PCDHGA10: variants seen among roughly 807,000 people sequenced by gnomAD.
PCDHGA10 encodes protocadherin gamma-A10.
A neutral mutation model predicts 59.5 loss-of-function variants in PCDHGA10; 42 were observed. The observed-to-expected ratio is 0.71, with a 90% confidence interval of 0.55 to 0.91. The LOEUF (loss-of-function observed/expected upper bound fraction) is 0.91, where lower values mean the gene tolerates loss of function less well. PCDHGA10 is among the 40% of genes least tolerant of loss of function. The probability of loss-of-function intolerance (pLI) is 0.00; values close to 1 mark genes in which losing one functional copy is unlikely to be tolerated. For missense variants in PCDHGA10, 1,111 were observed against 1,198.2 expected (o/e 0.93, Z 1.07); for synonymous variants, 511 against 517.2 (o/e 0.99, Z 0.16).
intron 1 of PCDHGA10, chr5:141,418,567 T>C: frequency 6.2e-7 from 1 of 1,614,014 alleles, no homozygotes; most frequent in Non-Finnish European, 8.5e-7. Flanking sequence ...TAGATGCCAA[T>C]GACAACCCCC....
chr5:141,465,574 C>T (rs1477852984), intron 1 of PCDHGA10, among the ~76,000 whole-genome samples: 2 of 152,160 alleles, frequency 1.3e-5, no homozygotes, highest in Admixed American at 1.3e-4. Context: ...TTTCTCAAAA[C>T]ACTCTCATAA....
In PCDHGA10 at chr5:141,489,948, T is replaced by C; in HGVS notation, c.2437-4859T>C. 2 of 1,614,210 alleles carry C rather than the reference T, an allele frequency of 1.2e-6. No individual in the cohort carries two copies. Among genetic ancestry groups the C allele is most frequent in the Non-Finnish European group, 1.7e-6 (2 of 1,180,030 alleles). On this transcript the variant is annotated intron_variant, in intron 1 of 3. Coordinates refer to ENST00000398610, the MANE Select transcript of PCDHGA10 (RefSeq NM_018913.3). The surrounding 1 kb of genome is among the most constrained non-coding windows in gnomAD (Gnocchi z 4.5). ...TCTCTGTCATCGTGCTGGACATCAA[T>C]GATAATGCTCCAACCTTCCAATCCT...
In PCDHGA10 at chr5:141,418,848, G is replaced by A. The variant is rs770294020; in HGVS notation, c.2436+3237G>A. 20 of 1,613,836 alleles carry A rather than the reference G, an allele frequency of 1.2e-5. No individual in the cohort carries two copies. Among genetic ancestry groups the A allele is most frequent in the South Asian group, 6.6e-5 (6 of 91,080 alleles). ...AAAGACCGAGGATCTCTCTCAACAC[G>A]GTGTAAAGTAATTGTAGAAGTTGTA... On this transcript the variant is annotated intron_variant, in intron 1 of 3. Coordinates refer to ENST00000398610, the MANE Select transcript of PCDHGA10 (RefSeq NM_018913.3).
At chr5:141,479,312 A>G (rs1218187495) in intron 1 of PCDHGA10, 5 of 152,526 alleles carry the variant, frequency 3.3e-5, no homozygotes, top group African/African-American at 9.6e-5. Context: ...GAAAACATAA[A>G]GTAGCCAGAC....
chr5:141,453,669 G>T (rs1390396079), intron 1 of PCDHGA10, among the ~76,000 whole-genome samples: 1 of 152,034 alleles, frequency 6.6e-6, no homozygotes, highest in Non-Finnish European at 1.5e-5. Context: ...TTACACAAAA[G>T]GTAACACACT....
chr5:141,412,987 A>C lies in PCDHGA10; in HGVS notation c.-189A>C, dbSNP rs192699644. Reference sequence around the variant, plus strand: ...AGGAGAGAAAACGCAGCCAGAGCTCAATCCGGATTCTCAGGGCTTCAACTA... The same window carrying C: ...AGGAGAGAAAACGCAGCCAGAGCTCCATCCGGATTCTCAGGGCTTCAACTA... On this transcript the variant is annotated 5_prime_UTR_variant, in exon 1 of 4. Transcript: ENST00000398610. The C allele has an allele frequency of 5.3e-6, 3 of 564,534 alleles. No homozygotes were observed. In the African/African-American group the frequency reaches 5.7e-5, roughly 11 times the overall value. The allele number at this position is 564,534 out of a possible 1,614,324, so 35.0% of individuals were successfully genotyped here.
chr5:141,490,454 C>T lies in PCDHGA10; in HGVS notation c.2437-4353C>T. The T allele has an allele frequency of 3.1e-6, 5 of 1,614,176 alleles. No homozygotes were observed. The highest frequency in any genetic ancestry group is 4.2e-6 in the Non-Finnish European group (5 of 1,180,020). On this transcript the variant is annotated intron_variant, in intron 1 of 3. Transcript: ENST00000398610. The surrounding 1 kb of genome is among the most constrained non-coding windows in gnomAD (Gnocchi z 5.4). The stretch of plus-strand genomic sequence containing the variant: ...ATTAAGCCTTCTGAGAACCACTACT[C>T]GCTGCTAACCAGCCAGCCTTTGGAC...
Position 141,431,388 on chromosome 5 carries a change from T to G in PCDHGA10, c.2436+15777T>G. 1 of 1,613,920 alleles carries G rather than the reference T, an allele frequency of 6.2e-7. No individual in the cohort carries two copies. The highest frequency in any genetic ancestry group is 8.5e-7 in the Non-Finnish European group (1 of 1,180,038). ...CGCGAAGAAAAGGCTGCTCACCACC[T>G]GGTCCTTACGGCCTCCGACGGGGGC... On this transcript the variant is annotated intron_variant, in intron 1 of 3. Transcript: ENST00000398610. The surrounding 1 kb of genome is among the most constrained non-coding windows in gnomAD (Gnocchi z 4.8).
chr5:141,477,168 A>C lies in PCDHGA10; in HGVS notation c.2437-17639A>C, dbSNP rs763187246. 1 of 1,614,210 alleles carries C rather than the reference A, an allele frequency of 6.2e-7. No homozygotes were observed. The highest frequency in any genetic ancestry group is 8.5e-7 in the Non-Finnish European group (1 of 1,180,040). On this transcript the variant is annotated intron_variant, in intron 1 of 3. Transcript: ENST00000398610. This position sits in a 1 kb window ranked among gnomAD's most constrained non-coding sequence, Gnocchi z 4.9. ...GTGGATGTGAATGACAACGCCCCGG[A>C]GATCACAGTCACCTCCGTGTACAGC...
intron 1 of PCDHGA10, among the ~76,000 whole-genome samples, chr5:141,448,430 T>C (rs1468604001): frequency 6.6e-6 from 1 of 152,186 alleles, no homozygotes; most frequent in African/African-American, 2.4e-5. Flanking sequence ...TATGTATATA[T>C]TGAGAAGTCT....
At chr5:141,428,552 T>TC in intron 1 of PCDHGA10, 2 of 244,422 alleles carry the variant, frequency 8.2e-6, no homozygotes, top group African/African-American at 2.2e-5. Context: ...CCAGAAACAG[T>TC]CCCCCCACAA....
chr5:141,414,647 T>C lies in PCDHGA10; in HGVS notation c.1472T>C (p.Ile491Thr), dbSNP rs1369045439. 3 of 1,613,926 alleles carry C rather than the reference T, an allele frequency of 1.9e-6. No homozygotes were observed. The highest frequency in any genetic ancestry group is 2.2e-5 in the South Asian group (2 of 91,078). Residue 491 changes from isoleucine to threonine, a missense_variant, in exon 1 of 4, where the codon ATT (isoleucine) becomes ACT (threonine). Physicochemically the swap from Ile to Thr is moderately conservative, Grantham distance 89. Coordinates refer to ENST00000398610, the MANE Select transcript of PCDHGA10 (RefSeq NM_018913.3). The stretch of plus-strand genomic sequence containing the variant: ...CCGGACAGCAAAGAGAATGCCCAGA[T>C]TATTTACTCCCTGGCTGAAGACACC... The part of the protein sequence containing the change: ...LDPDSKENAQ[I>T]IYSLAEDTIQ...
At chr5:141,478,708 A>G (rs1394463788) in intron 1 of PCDHGA10, 31 of 1,548,072 alleles carry the variant, frequency 2.0e-5, no homozygotes, top group Non-Finnish European at 2.5e-5. Context: ...TGCCTTTGTG[A>G]GATGGTGGCC....
intron 1 of PCDHGA10, chr5:141,441,889 GT>G: frequency 2.9e-6 from 1 of 346,022 alleles, no homozygotes; most frequent in South Asian, 2.6e-5. Flanking sequence ...GGTCACCAAG[GT>G]GGTGGCTGTA....
At chr5:141,426,052 G>T (rs2096912121) in intron 1 of PCDHGA10, among the ~76,000 whole-genome samples, 1 of 152,162 alleles carries the variant, frequency 6.6e-6, no homozygotes, top group South Asian at 2.1e-4. Flanking sequence ...TGGCCAATGT[G>T]CTGCAAGAAC....
chr5:141,483,445 C>T (rs1332037230), intron 1 of PCDHGA10, among the ~76,000 whole-genome samples: 1 of 152,106 alleles, frequency 6.6e-6, no homozygotes, highest in Admixed American at 6.5e-5. Context: ...ACAATAAAAT[C>T]ATCAGGACTT....
At position 141,473,164 on chromosome 5, in the gene PCDHGA10, G is replaced by A. The variant is rs190029663; in HGVS notation, c.2437-21643G>A. Among the ~76,000 whole-genome samples the A allele has an allele frequency of 1.6e-3, 241 of 152,250 alleles. 5 individuals carry two copies. The highest frequency in any genetic ancestry group is 2.1e-4 in the Non-Finnish European group (14 of 68,014). ...TCTTCAGATCACTAGGGCTAGGAAG[G>A]CCCACTGGTAACTTGAAGGAGTAAA... On this transcript the variant is annotated intron_variant, in intron 1 of 3. Transcript: ENST00000398610.
chr5:141,432,506 G>A lies in PCDHGA10; in HGVS notation c.2436+16895G>A. 3 of 1,614,140 alleles carry A rather than the reference G, an allele frequency of 1.9e-6. No homozygotes were observed. Among genetic ancestry groups the A allele is most frequent in the Non-Finnish European group, 2.5e-6 (3 of 1,180,036 alleles). On this transcript the variant is annotated intron_variant, in intron 1 of 3. Transcript: ENST00000398610. This position sits in a 1 kb window ranked among gnomAD's most constrained non-coding sequence, Gnocchi z 6.0. ...CGTGGAGCTGGCTCCCCGCTCCGCA[G>A]AGCCCGGCTACCTGGTGACCAAGGT... is the stretch of plus-strand genomic sequence containing the variant.
In PCDHGA10 at chr5:141,476,524, T is replaced by C. The variant is rs1350353768; in HGVS notation, c.2437-18283T>C. On this transcript the variant is annotated intron_variant, in intron 1 of 3. Coordinates refer to ENST00000398610, the MANE Select transcript of PCDHGA10 (RefSeq NM_018913.3). The surrounding 1 kb of genome is among the most constrained non-coding windows in gnomAD (Gnocchi z 7.6). ...TCAACGACAACAATCCTGCTTTCCC[T>C]ACCCAGGAAATGAAATTGGAGATTA... 6.2e-7 allele frequency: 1 copy of C among 1,614,182 alleles called. No individual in the cohort carries two copies. Among genetic ancestry groups the C allele is most frequent in the Non-Finnish European group, 8.5e-7 (1 of 1,180,028 alleles).
Sources: allele counts gnomAD v4.1 joint callset (sites outside exome capture counted in the v4.1 genomes callset), GRCh38; gene constraint gnomAD v4.1.1; non-coding constraint Gnocchi (gnomAD v3.1); transcripts MANE v1.5; gene names NCBI Gene and HGNC (gene_info 2026-07-23, HGNC 2026-07-21).